AMDHD1: variants seen among roughly 807,000 people sequenced by gnomAD.
The protein encoded by AMDHD1 is probable imidazolonepropionase.
AMDHD1 carries 45 observed loss-of-function variants against 44.1 expected under a neutral mutation model. The ratio of observed to expected loss-of-function variants is 1.02; its 90% confidence interval spans 0.80 to 1.31. The LOEUF is 1.31. AMDHD1 is among the 50% of genes most tolerant of loss of function. The pLI is 0.00. For missense variants in AMDHD1, 586 were observed against 552.1 expected, an observed-to-expected ratio of 1.06 and a Z score of -0.61; for synonymous variants, 206 against 205.0, an observed-to-expected ratio of 1.00 and a Z score of -0.04.
Position 95,956,709 on chromosome 12 carries a change from A to G in AMDHD1, c.334A>G (p.Ile112Val). ...MKLAGATYME[I>V]HQAGGGIHFT... ...GTTGGCAGGAGCCACCTACATGGAA[A>G]TTCACCAGGCCGGAGGAGGGATCCA... The change falls in exon 4 of 9, where the codon ATT becomes GTT. Residue 112 changes from isoleucine to valine, a missense_variant. Physicochemically the swap from Ile to Val is conservative, Grantham distance 29 (BLOSUM62 3). Transcript: ENST00000266736. 2 of 1,614,078 alleles carry G rather than the reference A, an allele frequency of 1.2e-6. No individual in the cohort carries two copies. The highest frequency in any genetic ancestry group is 1.7e-6 in the Non-Finnish European group (2 of 1,179,954).
intron 5 of AMDHD1, among the ~76,000 whole-genome samples, chr12:95,961,950 TAAA>T (rs1232619686): frequency 2.0e-5 from 3 of 152,210 alleles, no homozygotes; most frequent in Non-Finnish European, 4.4e-5. Context: ...ATCTTAATAA[TAAA>T]ACGCTGTTTC....
intron 4 of AMDHD1, among the ~76,000 whole-genome samples, chr12:95,959,632 C>T (rs2080569729): frequency 6.6e-6 from 1 of 151,980 alleles, no homozygotes; most frequent in African/African-American, 2.4e-5. Context: ...CCCATACCCC[C>T]AGATAGTGAG....
Position 95,960,569 on chromosome 12 carries a change from A to G in AMDHD1, c.759A>G (p.Ile253Met), listed in dbSNP as rs775887555. 1.2e-6 allele frequency: 2 copies of G among 1,614,224 alleles called. No individual in the cohort carries two copies. Among genetic ancestry groups the G allele is most frequent in the South Asian group, 1.1e-5 (1 of 91,088 alleles). The change falls in exon 5 of 9, where the codon ATA becomes ATG. Residue 253 changes from isoleucine (I) to methionine (M), a missense_variant. Physicochemically the swap from Ile to Met is conservative, Grantham distance 10. Coordinates refer to ENST00000266736, the MANE Select transcript of AMDHD1 (RefSeq NM_152435.3). ...TRRILQRGKD[I>M]GLQINFHGDE... ...GGATTCTTCAACGTGGAAAAGATAT[A>G]GGGTTACAGATTAACTTCCATGGGG...
At chr12:95,949,601 T>G (rs1364925040) in intron 1 of AMDHD1, among the ~76,000 whole-genome samples, 2 of 152,192 alleles carry the variant, frequency 1.3e-5, no homozygotes, top group African/African-American at 4.8e-5. Context: ...ACCCCATCAT[T>G]AGGTGAACTA....
intron 2 of AMDHD1, among the ~76,000 whole-genome samples, chr12:95,953,818 C>G (rs1376039504): frequency 6.6e-6 from 1 of 152,222 alleles, no homozygotes; most frequent in East Asian, 1.9e-4. Flanking sequence ...TGATCTCAAG[C>G]GATCTGCTGA....
At chr12:95,956,092 AGTTTT>A (rs10636697) in intron 3 of AMDHD1, among the ~76,000 whole-genome samples, 3 of 150,960 alleles carry the variant, frequency 2.0e-5, no homozygotes, top group East Asian at 2.0e-4. Flanking sequence ...CTCCTGTGCC[AGTTTT>A]GTTTTGTTTT....
At chr12:95,966,548 C>A (rs961880411) in intron 8 of AMDHD1, 40 bp downstream of exon 8, 1 of 1,610,744 alleles carries the variant, frequency 6.2e-7, no homozygotes, top group Admixed American at 1.7e-5. Flanking sequence ...ATTATGCCCA[C>A]TGAAGTATGC....
In AMDHD1 at chr12:95,952,729, A is replaced by G; in HGVS notation, c.150A>G (p.Ile50Met). ...ASLVVGKDGF[I>M]KAIGPADVIQ... Reference sequence around the variant, plus strand: ...GATTTTTCTTCAGAGATGGATTTATAAAAGCTATTGGTCCTGCTGATGTTA... The same window carrying G: ...GATTTTTCTTCAGAGATGGATTTATGAAAGCTATTGGTCCTGCTGATGTTA... Residue 50 changes from isoleucine (I) to methionine (M), a missense_variant, in exon 2 of 9, where the codon ATA becomes ATG. Transcript: ENST00000266736. 3 of 1,604,948 alleles carry G rather than the reference A, an allele frequency of 1.9e-6. No homozygotes were observed. The South Asian group carries it at 3.3e-5, about 18-fold the overall frequency.
chr12:95,960,858 A>G (rs2080577819), intron 5 of AMDHD1, among the ~76,000 whole-genome samples: 1 of 152,232 alleles, frequency 6.6e-6, no homozygotes. Context: ...TAGTATTAAT[A>G]GCAAAAGAAT....
chr12:95,960,952 C>A (rs564366433), intron 5 of AMDHD1, among the ~76,000 whole-genome samples: 2 of 152,146 alleles, frequency 1.3e-5, no homozygotes, highest in African/African-American at 4.8e-5. Context: ...GAGTTTGAGA[C>A]CAGCCTGGCT....
Position 95,965,720 on chromosome 12 carries a change from G to A in AMDHD1, c.973G>A (p.Glu325Lys). ...KQPRARKMLDEGVIVALGSDF... is the reference protein window; with the variant it reads ...KQPRARKMLDKGVIVALGSDF... ...ACCTCGAGCCAGGAAGATGTTAGAT[G>A]AAGGAGTAATAGTTGCTCTGGGAAG... Residue 325 changes from glutamate to lysine, a missense_variant, in exon 7 of 9, where the codon GAA becomes AAA. Coordinates refer to ENST00000266736, the MANE Select transcript of AMDHD1 (RefSeq NM_152435.3). The A allele has an allele frequency of 6.2e-7, 1 of 1,613,162 alleles. No homozygotes were observed. Among genetic ancestry groups the A allele is most frequent in the Non-Finnish European group, 8.5e-7 (1 of 1,179,746 alleles).
chr12:95,960,477 G>A lies in AMDHD1; in HGVS notation c.667G>A (p.Glu223Lys), dbSNP rs867963427. ...GCTGAAGGAACTTGGCAGAAATGGG[G>A]AAATACACGTGGACAATATAGACGT... ...PKLKELGRNG[E>K]IHVDNIDVFC... Residue 223 changes from glutamate (E) to lysine (K), a missense_variant, in exon 5 of 9, where the codon GAA becomes AAA. Physicochemically the swap from Glu to Lys is moderately conservative, Grantham distance 56 (BLOSUM62 1). Transcript: ENST00000266736. The A allele has an allele frequency of 6.2e-7, 1 of 1,614,216 alleles. No homozygotes were observed. The highest frequency in any genetic ancestry group is 8.5e-7 in the Non-Finnish European group (1 of 1,180,032).
chr12:95,943,386 G>A lies in AMDHD1; in HGVS notation c.-13G>A, dbSNP rs7955759. Reference sequence around the variant, plus strand: ...GCCCGGTGGCCTCCCGGCGACCCTCGGCGCGAGGCGACATGGCAAGCGGCC... The same window carrying A: ...GCCCGGTGGCCTCCCGGCGACCCTCAGCGCGAGGCGACATGGCAAGCGGCC... On this transcript the variant is annotated 5_prime_UTR_variant, in exon 1 of 9. Transcript: ENST00000266736. 368,451 of 1,429,218 alleles carry A rather than the reference G, an allele frequency of 0.26. 48,380 individuals carry two copies. The highest frequency in any genetic ancestry group is 0.48 in the East Asian group (15,418 of 32,146). The allele number at this position is 1,429,218 out of a possible 1,614,324, so 88.5% of individuals were successfully genotyped here. A position where few individuals can be genotyped will look rare whatever the true frequency, so the allele number is the denominator to read the frequency against.
chr12:95,954,997 A>G, intron 3 of AMDHD1, 22 bp downstream of exon 3: 1 of 1,611,620 alleles, frequency 6.2e-7, no homozygotes, highest in Non-Finnish European at 8.5e-7. Flanking sequence ...AAATCATGGC[A>G]AATCAAAATA....
At chr12:95,966,647 C>G (rs2080612821) in intron 8 of AMDHD1, 139 bp downstream of exon 8, 4 of 1,128,406 alleles carry the variant, frequency 3.5e-6, no homozygotes, top group Non-Finnish European at 5.0e-6. Flanking sequence ...ATCTTGATCC[C>G]TTTCCAAAGA....
rs145760558 is a variant in AMDHD1, at chr12:95,955,062, A to T, written c.309+87A>T. 61 of 1,228,134 alleles carry T rather than the reference A, an allele frequency of 5.0e-5. No homozygotes were observed. The African/African-American group carries it at 8.6e-4, about 17-fold the overall frequency. The allele number at this position is 1,228,134 out of a possible 1,614,324, so 76.1% of individuals were successfully genotyped here. On this transcript the variant is annotated intron_variant, in intron 3 of 8. Transcript: ENST00000266736. ...AGTTAGTAGGCTATCAAGCTTTGCAACATATGTCAACATATTTTTTAATGG... is the reference window on the plus strand; with the variant it reads ...AGTTAGTAGGCTATCAAGCTTTGCATCATATGTCAACATATTTTTTAATGG...
intron 1 of AMDHD1, among the ~76,000 whole-genome samples, chr12:95,944,333 T>TTATTTA (rs2136755678): frequency 6.9e-6 from 1 of 144,434 alleles, no homozygotes; most frequent in Non-Finnish European, 1.5e-5. Flanking sequence ...TTAATTTTAT[T>TTATTTA]TATTTATTTA....
chr12:95,959,189 T>C (rs1175514227), intron 4 of AMDHD1, among the ~76,000 whole-genome samples: 1 of 152,200 alleles, frequency 6.6e-6, no homozygotes, highest in Non-Finnish European at 1.5e-5. Context: ...GTGCCAAATA[T>C]AGGGCTGAAG....
At chr12:95,964,694 G>A (rs1343477952) in intron 6 of AMDHD1, among the ~76,000 whole-genome samples, 1 of 152,030 alleles carries the variant, frequency 6.6e-6, no homozygotes, top group Non-Finnish European at 1.5e-5. Flanking sequence ...ATCTCTGCTG[G>A]ACTCTTTCTC....
Sources: gnomAD v4.1 joint callset for allele counts (sites outside exome capture counted in the v4.1 genomes callset) on GRCh38, gnomAD v4.1.1 for gene constraint, MANE v1.5 for transcripts, NCBI Gene and HGNC (gene_info 2026-07-23, HGNC 2026-07-21) for gene names.